PRKN: variants seen among roughly 807,000 people sequenced by gnomAD.
PRKN encodes E3 ubiquitin-protein ligase parkin.
In PRKN, 56 loss-of-function variants were observed where a neutral mutation model predicts 59.5. The ratio of observed to expected loss-of-function variants is 0.94; its 90% CI spans 0.76 to 1.18. The LOEUF (loss-of-function observed/expected upper bound fraction) is 1.18, where lower values mean the gene tolerates loss of function less well. PRKN is among the 50% of genes most tolerant of loss of function. The pLI, the probability that PRKN is intolerant of heterozygous loss-of-function variation, is 0.00. For synonymous variants in PRKN, 250 were observed against 222.1 expected (o/e 1.13, Z -1.12); for missense variants, 657 against 596.4 (o/e 1.10, Z -1.06).
chr6:162,311,451 C>T (rs918464439), intron 2 of PRKN, among the ~76,000 whole-genome samples: 2 of 150,360 alleles, frequency 1.3e-5, no homozygotes, highest in Non-Finnish European at 3.0e-5. Flanking sequence ...CACATAATCT[C>T]AACTTGTTTA....
At chr6:162,502,536 C>T (rs577418102) in intron 1 of PRKN, among the ~76,000 whole-genome samples, 7 of 151,956 alleles carry the variant, frequency 4.6e-5, no homozygotes, top group African/African-American at 1.4e-4. Flanking sequence ...AATAGTCATG[C>T]GATATGTCTA....
chr6:161,875,189 G>T (rs963395709), intron 6 of PRKN, among the ~76,000 whole-genome samples: 1 of 142,024 alleles, frequency 7.0e-6, no homozygotes, highest in African/African-American at 2.7e-5. Context: ...ATGTGTGTGT[G>T]TATATATGTA....
chr6:162,206,125 C>T (rs993222255), intron 3 of PRKN, among the ~76,000 whole-genome samples: 1 of 152,046 alleles, frequency 6.6e-6, no homozygotes, highest in Non-Finnish European at 1.5e-5. Flanking sequence ...AAGGTTCTCG[C>T]CATCATGTGC....
At chr6:162,337,982 A>C (rs1783925984) in intron 2 of PRKN, among the ~76,000 whole-genome samples, 1 of 152,188 alleles carries the variant, frequency 6.6e-6, no homozygotes, top group Non-Finnish European at 1.5e-5. Context: ...ATGCATCTTT[A>C]AATATCTTTA....
chr6:162,220,951 G>C (rs1204841603), intron 3 of PRKN, among the ~76,000 whole-genome samples: 1 of 152,164 alleles, frequency 6.6e-6, no homozygotes, highest in Non-Finnish European at 1.5e-5. Context: ...AAATTATCCT[G>C]CATGGCTTTG....
chr6:161,912,083 CAGG>C (rs1187313872), intron 6 of PRKN, among the ~76,000 whole-genome samples: 9 of 151,206 alleles, frequency 6.0e-5, no homozygotes, highest in Non-Finnish European at 1.2e-4. Flanking sequence ...GAGGCTGAGG[CAGG>C]AGAATTGCTT....
chr6:162,384,065 A>G (rs1786646220), intron 2 of PRKN, among the ~76,000 whole-genome samples: 1 of 152,194 alleles, frequency 6.6e-6, no homozygotes, highest in Non-Finnish European at 1.5e-5. Context: ...TATTCAGACC[A>G]CTAAAATGTT....
At chr6:162,197,371 G>A (rs912406668) in intron 4 of PRKN, among the ~76,000 whole-genome samples, 2 of 152,006 alleles carry the variant, frequency 1.3e-5, no homozygotes, top group African/African-American at 4.8e-5. Context: ...TTCTCCTATG[G>A]ACTAGCTACA....
intron 9 of PRKN, among the ~76,000 whole-genome samples, chr6:161,516,159 A>C (rs1583177565): frequency 1.3e-5 from 2 of 152,142 alleles, no homozygotes; most frequent in East Asian, 3.9e-4. Flanking sequence ...CTTTAAGAAG[A>C]AAAGTGGGCC....
At chr6:162,488,172 AG>A (rs1465512861) in intron 1 of PRKN, among the ~76,000 whole-genome samples, 4 of 151,980 alleles carry the variant, frequency 2.6e-5, no homozygotes, top group African/African-American at 4.8e-5. Context: ...GGCTGTCTAT[AG>A]AAGGAAGAAT....
At chr6:162,531,562 A>T (rs543048028) in intron 1 of PRKN, among the ~76,000 whole-genome samples, 1 of 152,118 alleles carries the variant, frequency 6.6e-6, no homozygotes, top group South Asian at 2.1e-4. Flanking sequence ...GTCAGTTCCT[A>T]GGTGGGAGCA....
chr6:162,414,523 T>A (rs1017620306), intron 2 of PRKN, among the ~76,000 whole-genome samples: 2 of 151,290 alleles, frequency 1.3e-5, no homozygotes, highest in Admixed American at 1.3e-4. Context: ...CTGGCTAACA[T>A]GGTGAAACCC....
chr6:162,653,318 T>TTG (rs1270139302), intron 1 of PRKN, among the ~76,000 whole-genome samples: 2 of 44,670 alleles, frequency 4.5e-5, no homozygotes. Context: ...GAGTTTGTGT[T>TTG]TGTGTGTGTG....
intron 1 of PRKN, among the ~76,000 whole-genome samples, chr6:162,725,748 G>A (rs1347799839): frequency 1.4e-5 from 2 of 143,964 alleles, no homozygotes; most frequent in East Asian, 2.0e-4. Flanking sequence ...GGGTGACAGA[G>A]ACAGAACCTG....
chr6:162,111,576 G>A (rs774946657), intron 4 of PRKN, among the ~76,000 whole-genome samples: 7 of 152,120 alleles, frequency 4.6e-5, no homozygotes, highest in South Asian at 2.1e-4. Context: ...GTGTGAGTGC[G>A]GGGTGTGTGT....
At chr6:162,285,252 C>G (rs1336530388) in intron 2 of PRKN, among the ~76,000 whole-genome samples, 2 of 144,234 alleles carry the variant, frequency 1.4e-5, no homozygotes, top group Non-Finnish European at 3.0e-5. Flanking sequence ...GGGATCTTCA[C>G]AGATATTTTG....
intron 4 of PRKN, among the ~76,000 whole-genome samples, chr6:162,058,957 G>GAAAAAAAAA (rs553927046): frequency 1.1e-5 from 1 of 87,292 alleles, no homozygotes; most frequent in African/African-American, 3.7e-5. Flanking sequence ...GCCTCAACAA[G>GAAAAAAAAA]AAAAAAAAAA....
chr6:162,007,021 C>A (rs1162055651), intron 5 of PRKN, among the ~76,000 whole-genome samples: 1 of 151,958 alleles, frequency 6.6e-6, no homozygotes, highest in African/African-American at 2.4e-5. Context: ...CCATGAATAA[C>A]TGAATGGATA....
intron 4 of PRKN, among the ~76,000 whole-genome samples, chr6:162,124,090 C>T (rs1345253339): frequency 6.6e-6 from 1 of 152,096 alleles, no homozygotes; most frequent in East Asian, 1.9e-4. Flanking sequence ...TTGTTTCCAG[C>T]CTCTAGTTAG....
Sources: gnomAD v4.1 joint callset for allele counts (sites outside exome capture counted in the v4.1 genomes callset) on GRCh38, gnomAD v4.1.1 for gene constraint, MANE v1.5 for transcripts, NCBI Gene and HGNC (gene_info 2026-07-23, HGNC 2026-07-21) for gene names.